Variants in SHOC2 observed in about 807,000 individuals in gnomAD.
SHOC2 encodes SHOC2 leucine rich repeat scaffold protein.
Under a neutral mutation model 50.2 loss-of-function variants are expected in SHOC2, and 4 were observed. The observed-to-expected ratio is 0.08, with a 90% CI of 0.04 to 0.18. SHOC2 has a LOEUF of 0.18. Ranked by LOEUF, SHOC2 falls within the 10% of genes least tolerant of loss-of-function variation. SHOC2 has a pLI of 1.00. For synonymous variants in SHOC2, 218 were observed against 244.5 expected, an observed-to-expected ratio of 0.89 and a Z score of 1.01; for missense variants, 388 against 669.6, an observed-to-expected ratio of 0.58 and a Z score of 4.64.
intron 2 of SHOC2, among the ~76,000 whole-genome samples, chr10:110,970,528 C>G (rs1265990921): frequency 6.6e-6 from 1 of 151,980 alleles, no homozygotes; most frequent in Non-Finnish European, 1.5e-5. Flanking sequence ...ATGCTGATTT[C>G]CTTTCCTTTG....
At chr10:110,996,215 G>A (rs942744907) in intron 3 of SHOC2, among the ~76,000 whole-genome samples, 6 of 152,166 alleles carry the variant, frequency 3.9e-5, no homozygotes, top group South Asian at 2.1e-4. Context: ...TGATACAATA[G>A]GAAATAGGTT....
chr10:110,937,558 C>G (rs1368812672), intron 1 of SHOC2, among the ~76,000 whole-genome samples: 1 of 152,182 alleles, frequency 6.6e-6, no homozygotes, highest in Non-Finnish European at 1.5e-5. Context: ...TCACTCTCCT[C>G]TCCTAGTTGT....
intron 3 of SHOC2, among the ~76,000 whole-genome samples, chr10:110,992,824 G>C (rs1346414051): frequency 1.3e-5 from 2 of 151,990 alleles, no homozygotes; most frequent in Admixed American, 1.3e-4. Flanking sequence ...TTTTCAGTTT[G>C]CTTTCAGTTT....
chr10:110,941,492 T>A (rs1448019161), intron 1 of SHOC2, among the ~76,000 whole-genome samples: 9 of 151,930 alleles, frequency 5.9e-5, no homozygotes, highest in Non-Finnish European at 1.0e-4. Context: ...CCACCATGCC[T>A]GGCTAATTTT....
At chr10:110,937,563 A>C (rs951630223) in intron 1 of SHOC2, among the ~76,000 whole-genome samples, 1 of 152,032 alleles carries the variant, frequency 6.6e-6, no homozygotes, top group Non-Finnish European at 1.5e-5. Flanking sequence ...CTCCTCTCCT[A>C]GTTGTTTTCA....
chr10:110,919,436 G>A, upstream of SHOC2: 1 of 393,142 alleles, frequency 2.5e-6, no homozygotes, highest in Non-Finnish European at 4.5e-6. Flanking sequence ...AGCTTCTCTT[G>A]CCCCGGTTCC....
chr10:110,960,242 T>C (rs1310414731), intron 1 of SHOC2, among the ~76,000 whole-genome samples: 1 of 152,254 alleles, frequency 6.6e-6, no homozygotes, highest in Non-Finnish European at 1.5e-5. Context: ...TATTGTCTAC[T>C]TTTATGCTAA....
At chr10:110,944,059 T>A (rs1847202597) in intron 1 of SHOC2, among the ~76,000 whole-genome samples, 1 of 152,178 alleles carries the variant, frequency 6.6e-6, no homozygotes, top group Admixed American at 6.5e-5. Flanking sequence ...CTGCCTATTA[T>A]CTCCCTGCTT....
intron 3 of SHOC2, among the ~76,000 whole-genome samples, chr10:110,989,783 T>C (rs536924148): frequency 6.6e-6 from 1 of 152,172 alleles, no homozygotes; most frequent in Non-Finnish European, 1.5e-5. Context: ...AACATATAGG[T>C]TTAAGTTTTA....
At chr10:111,006,789 T>C (rs1054676017) in intron 5 of SHOC2, among the ~76,000 whole-genome samples, 67 of 152,228 alleles carry the variant, frequency 4.4e-4, no homozygotes, top group Admixed American at 5.2e-4. Context: ...GGGTGTTGAT[T>C]ATCCTCTCCC....
rs1847627755 is a variant in SHOC2, at chr10:110,964,254, G to A, written c.-105G>A. The A allele has an allele frequency of 1.3e-6, 2 of 1,522,368 alleles. No homozygotes were observed. Among genetic ancestry groups the A allele is most frequent in the South Asian group, 2.5e-5 (2 of 80,242 alleles). The allele number at this position is 1,522,368 out of a possible 1,614,324, so 94.3% of individuals were successfully genotyped here. On this transcript the variant is annotated 5_prime_UTR_variant, in exon 2 of 9. Coordinates refer to ENST00000369452, the MANE Select transcript of SHOC2 (RefSeq NM_007373.4). This position sits in a 1 kb window ranked among gnomAD's most constrained non-coding sequence, Gnocchi z 4.9. Reference sequence around the variant, plus strand: ...TACTCCATGCTGATTACTTCTTCAAGCCAGTACTTTTTTGATTGTGTAGGA... The same window carrying A: ...TACTCCATGCTGATTACTTCTTCAAACCAGTACTTTTTTGATTGTGTAGGA...
intron 3 of SHOC2, among the ~76,000 whole-genome samples, chr10:110,994,815 G>A (rs1020354120): frequency 5.3e-5 from 8 of 152,278 alleles, no homozygotes; most frequent in Non-Finnish European, 1.0e-4. Context: ...ATAACTAAAA[G>A]TGATGTGGTG....
intron 2 of SHOC2, among the ~76,000 whole-genome samples, chr10:110,965,539 G>A (rs1847656762): frequency 6.6e-6 from 1 of 152,018 alleles, no homozygotes; most frequent in Non-Finnish European, 1.5e-5. Flanking sequence ...CAAAAGAGCA[G>A]TGTCATAAGA....
chr10:110,992,211 A>G (rs1171800476), intron 3 of SHOC2, among the ~76,000 whole-genome samples: 2 of 152,140 alleles, frequency 1.3e-5, no homozygotes, highest in Non-Finnish European at 2.9e-5. Context: ...ATCGCTGACA[A>G]CTCATAGGAT....
At chr10:110,928,993 A>G (rs1846834766) in intron 1 of SHOC2, among the ~76,000 whole-genome samples, 1 of 152,230 alleles carries the variant, frequency 6.6e-6, no homozygotes. Flanking sequence ...ATTGGAACTC[A>G]ATTATACCTG....
chr10:111,005,521 TC>T (rs1848451141), intron 5 of SHOC2, among the ~76,000 whole-genome samples: 1 of 152,200 alleles, frequency 6.6e-6, no homozygotes, highest in African/African-American at 2.4e-5. Flanking sequence ...AAAAATCTCT[TC>T]CCACCCAGAA....
chr10:110,985,562 T>C, intron 2 of SHOC2, 66 bp from the exon 3 acceptor site: 1 of 1,192,002 alleles, frequency 8.4e-7, no homozygotes, highest in Non-Finnish European at 1.2e-6. Context: ...ATTTTCTTGC[T>C]TAGAAGTATT....
chr10:110,933,919 A>T (rs1407484872), intron 1 of SHOC2, among the ~76,000 whole-genome samples: 1 of 152,156 alleles, frequency 6.6e-6, no homozygotes, highest in Admixed American at 6.5e-5. Flanking sequence ...CCAAAGATTA[A>T]ATTCTGGCAA....
At chr10:110,963,548 A>G (rs1564714238) in intron 1 of SHOC2, among the ~76,000 whole-genome samples, 1 of 152,040 alleles carries the variant, frequency 6.6e-6, no homozygotes. Flanking sequence ...CGTCACCACC[A>G]CTGAAATCCT....
Sources: allele counts gnomAD v4.1 joint callset (sites outside exome capture counted in the v4.1 genomes callset), GRCh38; gene constraint gnomAD v4.1.1; non-coding constraint Gnocchi (gnomAD v3.1); transcripts MANE v1.5; gene names NCBI Gene and HGNC (gene_info 2026-07-23, HGNC 2026-07-21).